Variants in ITPR1 observed in about 807,000 individuals in gnomAD.
The protein encoded by ITPR1 is inositol 1,4,5-trisphosphate-gated calcium channel ITPR1.
Under a neutral mutation model 318.4 loss-of-function variants are expected in ITPR1, and 96 were observed. That is an observed-to-expected ratio of 0.30 (90% CI 0.26 to 0.36). The LOEUF (loss-of-function observed/expected upper bound fraction) is 0.36. Ranked by LOEUF, ITPR1 falls within the 10% of genes least tolerant of loss-of-function variation. The pLI, the probability that ITPR1 is intolerant of heterozygous loss-of-function variation, is 1.00. For synonymous variants in ITPR1, 1,312 were observed against 1,289.9 expected, an observed-to-expected ratio of 1.02 and a Z score of -0.37; for missense variants, 2,440 against 3,460.2, an observed-to-expected ratio of 0.71 and a Z score of 7.40.
rs556042898 is a variant in ITPR1 at position 4,645,259 on chromosome 3, C to T, written c.625-128C>T. The T allele has an allele frequency of 4.3e-5, 30 of 693,254 alleles. 1 individual carries two copies. The highest frequency in any genetic ancestry group is 7.8e-4 in the Middle Eastern group (2 of 2,572). 42.9% of individuals were successfully genotyped at this position (693,254 alleles called of 1,614,324 possible). A position where few individuals can be genotyped will look rare whatever the true frequency, so the allele number is the denominator to read the frequency against. Reference sequence around the variant, plus strand: ...TTTGCAGGTGCTGTGATTTTAGTGGCGTCAATCTTTAGAGTTTTTAGTCTC... The same window carrying T: ...TTTGCAGGTGCTGTGATTTTAGTGGTGTCAATCTTTAGAGTTTTTAGTCTC... On this transcript the variant is annotated intron_variant, in intron 8 of 61. Coordinates refer to ENST00000649015, the MANE Select transcript of ITPR1 (RefSeq NM_001378452.1).
At chr3:4,660,328 G>A (rs2093804602) in intron 13 of ITPR1, among the ~76,000 whole-genome samples, 1 of 151,504 alleles carries the variant, frequency 6.6e-6, no homozygotes, top group Middle Eastern at 3.2e-3. Flanking sequence ...TTATTGATTT[G>A]TAACAGCCCT....
intron 4 of ITPR1, among the ~76,000 whole-genome samples, chr3:4,576,278 G>A (rs571794195): frequency 1.3e-5 from 2 of 152,300 alleles, no homozygotes; most frequent in Non-Finnish European, 2.9e-5. Flanking sequence ...ACCCAAATTG[G>A]TCTTTGGACA....
intron 48 of ITPR1, among the ~76,000 whole-genome samples, chr3:4,778,484 G>T (rs895880608): frequency 6.6e-6 from 1 of 152,180 alleles, no homozygotes; most frequent in Non-Finnish European, 1.5e-5. Flanking sequence ...GAAACCTGTG[G>T]GAATGGCAGT....
At chr3:4,717,992 A>G (rs2041894890) in intron 40 of ITPR1, among the ~76,000 whole-genome samples, 2 of 152,212 alleles carry the variant, frequency 1.3e-5, no homozygotes, top group South Asian at 4.1e-4. Flanking sequence ...TAGGAAAACT[A>G]TGTATAGATC....
intron 4 of ITPR1, among the ~76,000 whole-genome samples, chr3:4,593,411 C>T (rs971403544): frequency 4.6e-5 from 7 of 152,184 alleles, no homozygotes; most frequent in African/African-American, 1.7e-4. Context: ...AAATATGAGA[C>T]CTCAAGAAGG....
At chr3:4,529,363 T>C (rs2083231799) in intron 4 of ITPR1, among the ~76,000 whole-genome samples, 1 of 152,226 alleles carries the variant, frequency 6.6e-6, no homozygotes, top group Non-Finnish European at 1.5e-5. Context: ...TGAAATTGAT[T>C]TGGAAATCTC....
At chr3:4,568,917 G>A (rs960214571) in intron 4 of ITPR1, among the ~76,000 whole-genome samples, 2 of 152,054 alleles carry the variant, frequency 1.3e-5, no homozygotes, top group African/African-American at 4.8e-5. Flanking sequence ...TTAGCTTTTG[G>A]GGAGGCCTCA....
At chr3:4,518,957 C>T (rs1410524985) in intron 3 of ITPR1, among the ~76,000 whole-genome samples, 1 of 152,152 alleles carries the variant, frequency 6.6e-6, no homozygotes, top group African/African-American at 2.4e-5. Flanking sequence ...GGGCCTCATC[C>T]TACAGCACAG....
intron 41 of ITPR1, among the ~76,000 whole-genome samples, chr3:4,726,785 G>A (rs532677927): frequency 5.3e-5 from 8 of 152,172 alleles, no homozygotes; most frequent in Non-Finnish European, 8.8e-5. Flanking sequence ...GGACCTGCCC[G>A]ATTGAGTCTT....
chr3:4,792,076 C>T (rs1008574086), intron 52 of ITPR1, among the ~76,000 whole-genome samples: 15 of 152,150 alleles, frequency 9.9e-5, no homozygotes, highest in African/African-American at 3.6e-4. Context: ...TGGCCCCCGG[C>T]CCCTCCCTCC....
At chr3:4,600,887 T>G (rs1156685462) in intron 4 of ITPR1, among the ~76,000 whole-genome samples, 1 of 152,182 alleles carries the variant, frequency 6.6e-6, no homozygotes, top group African/African-American at 2.4e-5. Context: ...GTTGATTGTG[T>G]GGGGACAACT....
At chr3:4,716,573 A>G (rs1366430738) in intron 39 of ITPR1, among the ~76,000 whole-genome samples, 1 of 152,214 alleles carries the variant, frequency 6.6e-6, no homozygotes, top group African/African-American at 2.4e-5. Context: ...GTCTCCTATT[A>G]ATTACCAAAG....
At chr3:4,553,372 G>T (rs1206401096) in intron 4 of ITPR1, among the ~76,000 whole-genome samples, 1 of 152,028 alleles carries the variant, frequency 6.6e-6, no homozygotes, top group African/African-American at 2.4e-5. Flanking sequence ...GTGGTTTATT[G>T]GTACCAGATT....
rs570357063 is a variant in ITPR1 at position 4,624,401 on chromosome 3, T to G, written c.164-3362T>G. 1.3e-3 allele frequency among the ~76,000 whole-genome samples: 196 copies of G among 152,128 alleles called. 1 individual carries two copies. Among genetic ancestry groups the G allele is most frequent in the African/African-American group, 4.2e-3 (173 of 41,520 alleles). ...TAAGATTAAACAGTAAGGTGCAGTG[T>G]CTCACGCCTGTAATCCCAGCACTTT... On this transcript the variant is annotated intron_variant, in intron 4 of 61. Transcript: ENST00000649015.
At position 4,683,724 on chromosome 3, in the gene ITPR1, T is replaced by C. The variant is rs2125233011; in HGVS notation, c.3424T>C (p.Trp1142Arg). ...GTCCATCGTGGAAAAGTCAGAGCTT[T>C]GGGTGTACAAAGGGCAGGGCCCCGA... ...LRSIVEKSEL[W>R]VYKGQGPDET... Residue 1142 changes from tryptophan to arginine, a missense_variant, in exon 28 of 62, where the codon TGG (tryptophan) becomes CGG (arginine). This residue lies in a region of ITPR1 where 76 missense variants were observed against 132.2 expected (regional missense o/e 0.58). Coordinates refer to ENST00000649015, the MANE Select transcript of ITPR1 (RefSeq NM_001378452.1). 6.2e-7 allele frequency: 1 copy of C among 1,614,008 alleles called. No homozygotes were observed. Among genetic ancestry groups the C allele is most frequent in the Non-Finnish European group, 8.5e-7 (1 of 1,179,880 alleles).
At chr3:4,533,253 A>G (rs1175155086) in intron 4 of ITPR1, among the ~76,000 whole-genome samples, 1 of 152,250 alleles carries the variant, frequency 6.6e-6, no homozygotes, top group Non-Finnish European at 1.5e-5. Context: ...TTCTAAGTCA[A>G]GGCTTGCCGA....
intron 4 of ITPR1, among the ~76,000 whole-genome samples, chr3:4,536,073 T>A (rs2083842783): frequency 6.6e-6 from 1 of 152,178 alleles, no homozygotes; most frequent in Non-Finnish European, 1.5e-5. Context: ...ATTTTGTAAT[T>A]TCAGGACAAA....
intron 4 of ITPR1, among the ~76,000 whole-genome samples, chr3:4,568,260 T>G (rs1044655240): frequency 1.3e-5 from 2 of 152,196 alleles, no homozygotes; most frequent in African/African-American, 4.8e-5. Flanking sequence ...AAGTAAAAAC[T>G]AGGCATACTC....
chr3:4,545,064 G>T (rs944269144), intron 4 of ITPR1, among the ~76,000 whole-genome samples: 1 of 152,030 alleles, frequency 6.6e-6, no homozygotes, highest in Non-Finnish European at 1.5e-5. Flanking sequence ...CCAAAGTGCT[G>T]GGATTACAGG....
Sources: allele counts gnomAD v4.1 joint callset (sites outside exome capture counted in the v4.1 genomes callset), GRCh38; gene constraint gnomAD v4.1.1; regional missense constraint gnomAD v4.1.1; transcripts MANE v1.5; gene names NCBI Gene and HGNC (gene_info 2026-07-23, HGNC 2026-07-21).